The following PRRC2C variants were observed in gnomAD, a reference collection of about 807,000 sequenced individuals.
PRRC2C encodes proline rich coiled-coil 2C.
PRRC2C carries 72 observed loss-of-function variants against 317.2 expected under a neutral mutation model. The observed-to-expected ratio is 0.23, with a 90% confidence interval of 0.19 to 0.28. PRRC2C has a LOEUF of 0.28. PRRC2C is among the 10% of genes least tolerant of loss of function. The pLI, the probability that PRRC2C is intolerant of heterozygous loss-of-function variation, is 1.00. For synonymous variants in PRRC2C, 1,296 were observed against 1,205.9 expected (o/e 1.07, Z -1.55); for missense variants, 3,074 against 3,459.7 (o/e 0.89, Z 2.80).
At chr1:171,578,769 A>G (rs1455176883) in intron 26 of PRRC2C, among the ~76,000 whole-genome samples, 1 of 152,070 alleles carries the variant, frequency 6.6e-6, no homozygotes, top group Non-Finnish European at 1.5e-5. Context: ...CTGAGGCACA[A>G]GAATCGCTTG....
At chr1:171,523,195 C>CT (rs1227555873) in intron 7 of PRRC2C, 26 bp from the exon 8 acceptor site, 1 of 1,574,610 alleles carries the variant, frequency 6.4e-7, no homozygotes, top group Non-Finnish European at 8.6e-7. Flanking sequence ...ACTTTTGTAT[C>CT]TTTTCCATGA....
In PRRC2C at chr1:171,560,834, A is replaced by G. The variant is rs140059386; in HGVS notation, c.6032-184A>G. Among the ~76,000 whole-genome samples, 29 of 152,284 alleles carry G rather than the reference A, an allele frequency of 1.9e-4. No homozygotes were observed. In the East Asian group the frequency reaches 5.4e-3, roughly 28 times the overall value. Reference sequence around the variant, plus strand: ...GCAGTGGTCTGGAACTGAACCCACAATGTTTCTGGGGTATGCCTGTATGTT... The same window carrying G: ...GCAGTGGTCTGGAACTGAACCCACAGTGTTTCTGGGGTATGCCTGTATGTT... On this transcript the variant is annotated intron_variant, in intron 19 of 34. Transcript: ENST00000647382.
rs1210637459 is a variant in PRRC2C, at chr1:171,555,237, C to A, written c.5128-2003C>A. Among the ~76,000 whole-genome samples, 6 of 152,328 alleles carry A rather than the reference C, an allele frequency of 3.9e-5. No homozygotes were observed. The East Asian group carries it at 9.6e-4, about 24-fold the overall frequency. ...TGATCTTCAGTCACTGATACACTTT[C>A]TTCCACTTGATCGAATCGGCTACTG... On this transcript the variant is annotated intron_variant, in intron 18 of 34. Coordinates refer to ENST00000647382, the MANE Select transcript of PRRC2C (RefSeq NM_001387844.1).
At chr1:171,562,423 T>C (rs1190657416) in intron 20 of PRRC2C, among the ~76,000 whole-genome samples, 1 of 152,190 alleles carries the variant, frequency 6.6e-6, no homozygotes, top group African/African-American at 2.4e-5. Context: ...TTTCAAATTA[T>C]TCTGGGTTGT....
chr1:171,584,044 C>A lies in PRRC2C; in HGVS notation c.7498C>A (p.His2500Asn). 2 of 1,613,982 alleles carry A rather than the reference C, an allele frequency of 1.2e-6. No homozygotes were observed. Among genetic ancestry groups the A allele is most frequent in the East Asian group, 4.5e-5 (2 of 44,890 alleles). ...TATTCACAACTTTCCAACTGTCCAA[C>A]ACCAAGAACTTGCCAAGGCACAATC... ...TAIHNFPTVQ[H>N]QELAKAQSGL... The change falls in exon 29 of 35, where the codon CAC becomes AAC. Residue 2500 changes from histidine (H) to asparagine (N), a missense_variant. This residue lies in a region of PRRC2C where 490 missense variants were observed against 663.1 expected (regional missense o/e 0.74). Transcript: ENST00000647382.
intron 17 of PRRC2C, among the ~76,000 whole-genome samples, chr1:171,547,669 A>G (rs1679407355): frequency 7.8e-6 from 1 of 128,838 alleles, no homozygotes; most frequent in Non-Finnish European, 1.6e-5. Context: ...TTTGAGACAC[A>G]GTCTTGCTCT....
intron 1 of PRRC2C, among the ~76,000 whole-genome samples, chr1:171,506,687 T>TTTTTTGTG (rs1670302932): frequency 7.3e-6 from 1 of 136,604 alleles, no homozygotes; most frequent in Non-Finnish European, 1.5e-5. Context: ...TTTTTTTTCT[T>TTTTTTGTG]TGTGTGTGTG....
In PRRC2C at chr1:171,541,218, C is replaced by A; in HGVS notation, c.3752C>A (p.Ser1251Tyr). 6.2e-7 allele frequency: 1 copy of A among 1,613,494 alleles called. No individual in the cohort carries two copies. Among genetic ancestry groups the A allele is most frequent in the Non-Finnish European group, 8.5e-7 (1 of 1,179,778 alleles). Reference sequence around the variant, plus strand: ...GAAAGTGAAACACGGAGTGAGAGCTCTGATTTTGAAGTTGTCCCCAAAAGA... The same window carrying A: ...GAAAGTGAAACACGGAGTGAGAGCTATGATTTTGAAGTTGTCCCCAAAAGA... ...REESETRSES[S>Y]DFEVVPKRRR... is the part of the protein sequence containing the mutation. The change falls in exon 16 of 35, where the codon TCT (serine) becomes TAT (tyrosine). Residue 1251 changes from serine (S) to tyrosine (Y), a missense_variant. By Grantham distance (144) the Ser-to-Tyr change is moderately radical (BLOSUM62 -2). Coordinates refer to ENST00000647382, the MANE Select transcript of PRRC2C (RefSeq NM_001387844.1). This position sits in a 1 kb window ranked among gnomAD's most constrained non-coding sequence, Gnocchi z 4.1.
intron 25 of PRRC2C, among the ~76,000 whole-genome samples, chr1:171,576,092 T>A (rs1685652320): frequency 6.6e-6 from 1 of 152,222 alleles, no homozygotes; most frequent in Non-Finnish European, 1.5e-5. Context: ...GTGTTCCAAC[T>A]ATATTTCTTT....
chr1:171,522,308 G>C, intron 7 of PRRC2C, 49 bp downstream of exon 7: 1 of 1,323,006 alleles, frequency 7.6e-7, no homozygotes, highest in Non-Finnish European at 1.1e-6. Flanking sequence ...TGCTTGTTAA[G>C]ATTTCCTGAA....
chr1:171,553,618 T>C (rs1232073270), intron 18 of PRRC2C, among the ~76,000 whole-genome samples: 1 of 152,224 alleles, frequency 6.6e-6, no homozygotes, highest in African/African-American at 2.4e-5. Flanking sequence ...GCTATAAATT[T>C]CCCTCTACAC....
At chr1:171,516,131 C>G (rs1489844157) in intron 5 of PRRC2C, among the ~76,000 whole-genome samples, 1 of 152,106 alleles carries the variant, frequency 6.6e-6, no homozygotes, top group Admixed American at 6.5e-5. Context: ...TTCATGTATA[C>G]CAATATTTGG....
chr1:171,558,174 G>T, intron 19 of PRRC2C, 31 bp downstream of exon 19: 1 of 1,576,542 alleles, frequency 6.3e-7, no homozygotes, highest in Non-Finnish European at 8.6e-7. Context: ...GAGGGGTGGG[G>T]AATGGCATAG....
At position 171,568,254 on chromosome 1, in the gene PRRC2C, T is replaced by A. The variant is rs1684048956; in HGVS notation, c.6566T>A (p.Val2189Glu). The part of the protein sequence containing the change: ...AEYGTNAKES[V>E]TDYTTPSSSL... ...TCTATTACTACTTCACAGGAGTCTGTAACAGACTATACTACACCCTCTTCT... is the reference window on the plus strand; with the variant it reads ...TCTATTACTACTTCACAGGAGTCTGAAACAGACTATACTACACCCTCTTCT... The change falls in exon 23 of 35, where the codon GTA (valine) becomes GAA (glutamate). Residue 2189 changes from valine to glutamate, a missense_variant. Coordinates refer to ENST00000647382, the MANE Select transcript of PRRC2C (RefSeq NM_001387844.1). 6.2e-7 allele frequency: 1 copy of A among 1,607,364 alleles called. No homozygotes were observed. Among genetic ancestry groups the A allele is most frequent in the Non-Finnish European group, 8.5e-7 (1 of 1,176,488 alleles).
At chr1:171,581,778 A>G (rs1479017978) in intron 28 of PRRC2C, among the ~76,000 whole-genome samples, 2 of 152,232 alleles carry the variant, frequency 1.3e-5, no homozygotes, top group Non-Finnish European at 2.9e-5. Context: ...ATCCTAGACT[A>G]GCATTCTTCC....
intron 18 of PRRC2C, among the ~76,000 whole-genome samples, chr1:171,552,493 C>T (rs1016736533): frequency 3.4e-4 from 52 of 152,148 alleles, no homozygotes; most frequent in African/African-American, 1.1e-3. Flanking sequence ...GAACTTCCAA[C>T]ACTATGCTGA....
At chr1:171,492,296 C>T (rs763702123) in intron 1 of PRRC2C, among the ~76,000 whole-genome samples, 4 of 151,978 alleles carry the variant, frequency 2.6e-5, no homozygotes, top group Non-Finnish European at 5.9e-5. Flanking sequence ...AATGGCCTAC[C>T]CATGCTGAAT....
chr1:171,568,317 T>A lies in PRRC2C; in HGVS notation c.6629T>A (p.Met2210Lys), dbSNP rs1205539544. The change falls in exon 23 of 35, where the codon ATG becomes AAG. Residue 2210 changes from methionine to lysine, a missense_variant. By Grantham distance (95) the Met-to-Lys change is moderately conservative. Coordinates refer to ENST00000647382, the MANE Select transcript of PRRC2C (RefSeq NM_001387844.1). ...ACCGTGGCTACTAATAATACAAAGA[T>A]GGAGGATACTTTGGTTAATAATGTA... ...PNTVATNNTK[M>K]EDTLVNNVPL... is the part of the protein sequence containing the mutation. 17 of 1,605,312 alleles carry A rather than the reference T, an allele frequency of 1.1e-5. No homozygotes were observed. Among genetic ancestry groups the A allele is most frequent in the Non-Finnish European group, 1.4e-5 (16 of 1,175,236 alleles).
At chr1:171,534,502 T>TA (rs1216582955) in intron 12 of PRRC2C, among the ~76,000 whole-genome samples, 2 of 152,140 alleles carry the variant, frequency 1.3e-5, no homozygotes, top group Admixed American at 1.3e-4. Context: ...ACTAGACACA[T>TA]ACAATTTTTT....
Sources: gnomAD v4.1 joint callset for allele counts (sites outside exome capture counted in the v4.1 genomes callset) on GRCh38, gnomAD v4.1.1 for gene constraint, gnomAD v4.1.1 regional missense constraint, Gnocchi (gnomAD v3.1) non-coding constraint, MANE v1.5 for transcripts, NCBI Gene and HGNC (gene_info 2026-07-23, HGNC 2026-07-21) for gene names.